The following STK3 variants were observed in gnomAD, a reference collection of about 807,000 sequenced individuals.
The protein encoded by STK3 is serine/threonine-protein kinase 3.
In STK3, 41 loss-of-function variants were observed where a neutral mutation model predicts 58.0. The observed-to-expected ratio is 0.71, with a 90% CI of 0.55 to 0.92. STK3 has a LOEUF of 0.92. Ranked by LOEUF, STK3 falls within the 40% of genes least tolerant of loss-of-function variation. STK3 has a pLI of 0.00. For synonymous variants in STK3, 170 were observed against 191.0 expected, an observed-to-expected ratio of 0.89 and a Z score of 0.91; for missense variants, 479 against 602.7, an observed-to-expected ratio of 0.79 and a Z score of 2.15.
chr8:98,562,024 C>T (rs1812075749), intron 8 of STK3, among the ~76,000 whole-genome samples: 1 of 152,108 alleles, frequency 6.6e-6, no homozygotes, highest in Non-Finnish European at 1.5e-5. Flanking sequence ...ACCATACAAA[C>T]TACTGGTGCG....
chr8:98,669,064 T>G (rs1822593613), intron 6 of STK3, among the ~76,000 whole-genome samples: 2 of 147,318 alleles, frequency 1.4e-5, no homozygotes, highest in Admixed American at 1.4e-4. Flanking sequence ...TGGTGTAATC[T>G]CAGCTCACTG....
rs139591885 is a variant in STK3, at chr8:98,935,506, C to T, written c.-79+6872G>A. Among the ~76,000 whole-genome samples, 666 of 152,296 alleles carry T rather than the reference C, an allele frequency of 4.4e-3. 3 individuals are homozygous for T. Among genetic ancestry groups the T allele is most frequent in the African/African-American group, 0.015 (641 of 41,572 alleles). On this transcript the variant is annotated intron_variant, in intron 1 of 1. Coordinates refer to the STK3 transcript ENST00000519420. Reference sequence around the variant, plus strand: ...GCATCATTATTTCATTAGAGAATAGCATCCAAAATAATAACTTAGAAGCTT... The same window carrying T: ...GCATCATTATTTCATTAGAGAATAGTATCCAAAATAATAACTTAGAAGCTT...
intron 3 of STK3, chr8:98,431,059 G>A (rs1818318301): frequency 6.0e-6 from 1 of 167,102 alleles, no homozygotes; most frequent in African/African-American, 2.4e-5. Context: ...ATAGAACCCA[G>A]GGGTCTGAGC....
chr8:98,371,982 G>C (rs1453700909), intron 2 of STK3, among the ~76,000 whole-genome samples: 4 of 152,166 alleles, frequency 2.6e-5, no homozygotes, highest in Non-Finnish European at 4.4e-5. Context: ...GTGGGATCAG[G>C]GGGAGGGGGG....
chr8:98,689,270 C>T (rs1039816455), intron 6 of STK3, among the ~76,000 whole-genome samples: 1 of 152,040 alleles, frequency 6.6e-6, no homozygotes, highest in Non-Finnish European at 1.5e-5. Flanking sequence ...ACACACCTAC[C>T]AATGAACAAA....
chr8:98,456,617 TTTCTTC>T lies in STK3; in HGVS notation c.1318-623_1318-618del, dbSNP rs370788495. The stretch of plus-strand genomic sequence containing the variant: ...AAGAGTAATCCAGATTTGGTTTTCT[TTTCTTC>T]TTCTTCTTCTTCTTATTTTTTTTGA... On this transcript the variant is annotated intron_variant, in intron 10 of 10. Coordinates refer to ENST00000419617, the MANE Select transcript of STK3 (RefSeq NM_006281.4). Among the ~76,000 whole-genome samples the T allele has an allele frequency of 4.6e-3, 704 of 152,190 alleles. 2 individuals carry two copies. Among genetic ancestry groups the T allele is most frequent in the African/African-American group, 0.014 (599 of 41,528 alleles).
chr8:98,928,613 T>C (rs1432657510), intron 1 of STK3, among the ~76,000 whole-genome samples: 2 of 152,188 alleles, frequency 1.3e-5, no homozygotes, highest in East Asian at 1.9e-4. Context: ...GGCCTTGAGG[T>C]TAATACAAGC....
intron 7 of STK3, among the ~76,000 whole-genome samples, chr8:98,592,259 G>A (rs1421461174): frequency 6.6e-6 from 1 of 152,024 alleles, no homozygotes; most frequent in African/African-American, 2.4e-5. Flanking sequence ...TCTCTAACTG[G>A]TGTTTCTATT....
Position 98,746,297 on chromosome 8 carries a change from C to T in STK3, c.351+2979G>A, listed in dbSNP as rs185626244. ...GCACTCTATCAAAGATCACAAGGCA[C>T]AGACAAAAACAATAAAAAACAAGAG... On this transcript the variant is annotated intron_variant, in intron 4 of 10. Coordinates refer to ENST00000419617, the MANE Select transcript of STK3 (RefSeq NM_006281.4). Among the ~76,000 whole-genome samples, 1,310 of 152,196 alleles carry T rather than the reference C, an allele frequency of 8.6e-3. 10 individuals are homozygous for T. The highest frequency in any genetic ancestry group is 0.03 in the African/African-American group (1,232 of 41,536).
intron 10 of STK3, among the ~76,000 whole-genome samples, chr8:98,458,848 C>T (rs926771636): frequency 6.6e-6 from 1 of 152,148 alleles, no homozygotes; most frequent in Admixed American, 6.5e-5. Flanking sequence ...CTGAGGCCTC[C>T]CCAGTCACAT....
intron 1 of STK3, among the ~76,000 whole-genome samples, chr8:98,936,118 C>T (rs1183281891): frequency 6.6e-6 from 1 of 152,110 alleles, no homozygotes; most frequent in Non-Finnish European, 1.5e-5. Flanking sequence ...CAGGGTTTCA[C>T]TGTGTTAGCC....
chr8:98,713,180 C>A (rs1259937202), intron 4 of STK3, among the ~76,000 whole-genome samples: 3 of 152,108 alleles, frequency 2.0e-5, no homozygotes, highest in Non-Finnish European at 4.4e-5. Context: ...AAAGAGAAAG[C>A]AGGAAAGATC....
At chr8:98,553,338 C>A (rs963279190) in intron 8 of STK3, 1 of 152,088 alleles carries the variant, frequency 6.6e-6, no homozygotes, top group Non-Finnish European at 1.5e-5. Flanking sequence ...TTGTCTAAAT[C>A]CCCCATTAGA....
intron 6 of STK3, among the ~76,000 whole-genome samples, chr8:98,694,367 T>A (rs1245664633): frequency 6.6e-6 from 1 of 152,132 alleles, no homozygotes; most frequent in Non-Finnish European, 1.5e-5. Flanking sequence ...TTTTTTTTCA[T>A]ACTTTAAGTT....
intron 10 of STK3, among the ~76,000 whole-genome samples, chr8:98,488,153 C>T (rs1444023514): frequency 6.6e-6 from 1 of 152,180 alleles, no homozygotes; most frequent in East Asian, 1.9e-4. Flanking sequence ...TGAGTGACAG[C>T]TGTGAAATAC....
intron 1 of STK3, among the ~76,000 whole-genome samples, chr8:98,930,513 T>C (rs1839968543): frequency 1.3e-5 from 2 of 152,192 alleles, no homozygotes; most frequent in Non-Finnish European, 2.9e-5. Context: ...ATTCCAGTTT[T>C]AAAAGAAACC....
intron 2 of STK3, among the ~76,000 whole-genome samples, chr8:98,377,897 G>C (rs1367140893): frequency 6.6e-6 from 1 of 152,176 alleles, no homozygotes; most frequent in Non-Finnish European, 1.5e-5. Flanking sequence ...TTAGCAGCTA[G>C]TAAGGTTGAA....
chr8:98,546,938 C>T (rs1398015161), intron 9 of STK3, among the ~76,000 whole-genome samples: 1 of 152,166 alleles, frequency 6.6e-6, no homozygotes, highest in Non-Finnish European at 1.5e-5. Flanking sequence ...AGCAGCAGTA[C>T]TGAGCCACGT....
chr8:98,511,358 T>C lies in STK3; in HGVS notation c.1317+15384A>G, dbSNP rs114031449. On this transcript the variant is annotated intron_variant, in intron 10 of 10. Coordinates refer to ENST00000419617, the MANE Select transcript of STK3 (RefSeq NM_006281.4). ...AGCTACTACATGTTTTGCACACCTA[T>C]AATTTGCATCTATTAAGGATTAAAA... is the stretch of plus-strand genomic sequence containing the variant. Among the ~76,000 whole-genome samples, 1,234 of 152,104 alleles carry C rather than the reference T, an allele frequency of 8.1e-3. 15 individuals are homozygous for C. The highest frequency in any genetic ancestry group is 0.028 in the African/African-American group (1,163 of 41,550).
Sources: allele counts gnomAD v4.1 joint callset (sites outside exome capture counted in the v4.1 genomes callset), GRCh38; gene constraint gnomAD v4.1.1; transcripts MANE v1.5; gene names NCBI Gene and HGNC (gene_info 2026-07-23, HGNC 2026-07-21).